The following GPC5 variants were observed in gnomAD, a reference collection of about 807,000 sequenced individuals.
The protein encoded by GPC5 is glypican 5, also known as glypican-5.
In GPC5, 47 loss-of-function variants were observed where a neutral mutation model predicts 53.9. The observed-to-expected ratio is 0.87, with a 90% confidence interval of 0.69 to 1.11. GPC5 has a LOEUF of 1.11. Ranked by LOEUF, GPC5 falls within the 50% of genes most tolerant of loss-of-function variation. GPC5 has a pLI of 0.00. For synonymous variants in GPC5, 286 were observed against 263.3 expected, an observed-to-expected ratio of 1.09 and a Z score of -0.84; for missense variants, 748 against 713.1, an observed-to-expected ratio of 1.05 and a Z score of -0.56.
At chr13:92,741,417 CT>C (rs2139311697) in intron 7 of GPC5, among the ~76,000 whole-genome samples, 1 of 151,920 alleles carries the variant, frequency 6.6e-6, no homozygotes, top group Non-Finnish European at 1.5e-5. Context: ...AACAAGGAGG[CT>C]TTCATAAGAT....
At chr13:91,432,655 A>G (rs1879587497) in intron 1 of GPC5, among the ~76,000 whole-genome samples, 1 of 152,180 alleles carries the variant, frequency 6.6e-6, no homozygotes, top group South Asian at 2.1e-4. Context: ...TAAATACTTA[A>G]TACTTTTCTG....
chr13:92,167,057 T>C (rs1276087571), intron 7 of GPC5, among the ~76,000 whole-genome samples: 3 of 151,490 alleles, frequency 2.0e-5, no homozygotes, highest in Non-Finnish European at 2.9e-5. Flanking sequence ...TGGAATTCGT[T>C]TGTAGGGAAT....
chr13:92,785,720 A>G (rs987130177), intron 7 of GPC5, among the ~76,000 whole-genome samples: 1 of 152,212 alleles, frequency 6.6e-6, no homozygotes, highest in Non-Finnish European at 1.5e-5. Flanking sequence ...TATGGTGGCT[A>G]AGAGACTAGA....
intron 7 of GPC5, among the ~76,000 whole-genome samples, chr13:92,355,442 G>A (rs1366978543): frequency 6.6e-6 from 1 of 152,160 alleles, no homozygotes; most frequent in African/African-American, 2.4e-5. Context: ...TGGAGAGGGA[G>A]CATTCCTTCT....
At chr13:91,927,677 T>C (rs1566346744) in intron 6 of GPC5, among the ~76,000 whole-genome samples, 1 of 152,190 alleles carries the variant, frequency 6.6e-6, no homozygotes, top group Non-Finnish European at 1.5e-5. Context: ...ACTGGTGTTT[T>C]CAAATATAAT....
At chr13:91,404,462 A>G (rs982466723) in intron 1 of GPC5, among the ~76,000 whole-genome samples, 3 of 152,234 alleles carry the variant, frequency 2.0e-5, no homozygotes, top group African/African-American at 7.2e-5. Context: ...GATAATAGCC[A>G]TTTTCCATAT....
intron 6 of GPC5, among the ~76,000 whole-genome samples, chr13:92,010,299 A>C (rs1429123906): frequency 6.6e-6 from 1 of 152,174 alleles, no homozygotes; most frequent in African/African-American, 2.4e-5. Flanking sequence ...AGCCACATAC[A>C]CTTGTGGGTT....
At chr13:92,089,210 C>T (rs954120404) in intron 6 of GPC5, among the ~76,000 whole-genome samples, 1 of 152,010 alleles carries the variant, frequency 6.6e-6, no homozygotes, top group African/African-American at 2.4e-5. Flanking sequence ...CGAGGCGGGC[C>T]GATCACGAGG....
intron 7 of GPC5, among the ~76,000 whole-genome samples, chr13:92,672,737 CATGG>C (rs1162326689): frequency 1.3e-5 from 2 of 152,102 alleles, no homozygotes; most frequent in Admixed American, 6.6e-5. Flanking sequence ...TTTGCAGGGA[CATGG>C]ATGGAGCTGG....
intron 7 of GPC5, among the ~76,000 whole-genome samples, chr13:92,219,997 T>G (rs1464701560): frequency 6.6e-6 from 1 of 152,302 alleles, no homozygotes; most frequent in African/African-American, 2.4e-5. Flanking sequence ...GTTTGTGCTT[T>G]TTGTCCAATT....
chr13:92,529,118 AC>A (rs1402209748), intron 7 of GPC5, among the ~76,000 whole-genome samples: 1 of 152,154 alleles, frequency 6.6e-6, no homozygotes, highest in Non-Finnish European at 1.5e-5. Context: ...TCATAAAAAA[AC>A]AAGAGTTCAA....
chr13:91,545,280 C>G (rs979206452), intron 2 of GPC5, among the ~76,000 whole-genome samples: 2 of 152,124 alleles, frequency 1.3e-5, no homozygotes, highest in African/African-American at 4.8e-5. Flanking sequence ...ATAGATTTAA[C>G]TTTATCATTT....
intron 2 of GPC5, among the ~76,000 whole-genome samples, chr13:91,579,994 T>C (rs1295698525): frequency 6.6e-6 from 1 of 152,214 alleles, no homozygotes; most frequent in Non-Finnish European, 1.5e-5. Context: ...GCAATAATTT[T>C]ATATCATATA....
intron 1 of GPC5, among the ~76,000 whole-genome samples, chr13:91,445,460 C>T (rs1202310817): frequency 6.6e-6 from 1 of 152,034 alleles, no homozygotes; most frequent in African/African-American, 2.4e-5. Flanking sequence ...GCAATTTAAG[C>T]CTTATCAGTT....
intron 5 of GPC5, among the ~76,000 whole-genome samples, chr13:91,801,465 T>C (rs757345811): frequency 3.9e-4 from 60 of 152,342 alleles, no homozygotes; most frequent in African/African-American, 6.3e-4. Flanking sequence ...GTGTTTCTTA[T>C]ACATGTTGTT....
At chr13:92,228,385 G>A (rs2042504507) in intron 7 of GPC5, among the ~76,000 whole-genome samples, 1 of 152,042 alleles carries the variant, frequency 6.6e-6, no homozygotes, top group African/African-American at 2.4e-5. Context: ...CTAAGGTAAA[G>A]TCACATAAAC....
At chr13:92,146,138 G>C (rs1043708945) in intron 7 of GPC5, among the ~76,000 whole-genome samples, 2 of 152,104 alleles carry the variant, frequency 1.3e-5, no homozygotes, top group Admixed American at 1.3e-4. Flanking sequence ...GTGCACTTGA[G>C]CAGCCTTTGA....
chr13:92,506,984 T>C (rs889879250), intron 7 of GPC5, among the ~76,000 whole-genome samples: 36 of 152,370 alleles, frequency 2.4e-4, no homozygotes, highest in African/African-American at 8.4e-4. Context: ...TGATTTCTGC[T>C]ACTTCCTTGG....
At chr13:91,676,416 A>G (rs957371967) in intron 2 of GPC5, among the ~76,000 whole-genome samples, 1 of 152,128 alleles carries the variant, frequency 6.6e-6, no homozygotes, top group African/African-American at 2.4e-5. Context: ...CATGTCTAGT[A>G]CAACAAGCCA....
Sources: gnomAD v4.1 joint callset for allele counts (sites outside exome capture counted in the v4.1 genomes callset) on GRCh38, gnomAD v4.1.1 for gene constraint, MANE v1.5 for transcripts, NCBI Gene and HGNC (gene_info 2026-07-23, HGNC 2026-07-21) for gene names.